The following FBXO15 variants were observed in gnomAD, a reference collection of about 807,000 sequenced individuals.
The protein encoded by FBXO15 is F-box only protein 15.
In FBXO15, 30 loss-of-function variants were observed where a neutral mutation model predicts 49.5. The ratio of observed to expected loss-of-function variants is 0.61; its 90% confidence interval spans 0.45 to 0.82. The LOEUF (loss-of-function observed/expected upper bound fraction) is 0.82, where lower values mean the gene tolerates loss of function less well. FBXO15 is among the 40% of genes least tolerant of loss of function. The pLI, the probability that FBXO15 is intolerant of heterozygous loss-of-function variation, is 0.00. For missense variants in FBXO15, 591 were observed against 631.5 expected (o/e 0.94, Z 0.69); for synonymous variants, 250 against 232.7 (o/e 1.07, Z -0.68).
intron 3 of FBXO15, among the ~76,000 whole-genome samples, chr18:74,132,894 G>A (rs765543205): frequency 1.3e-5 from 2 of 152,186 alleles, no homozygotes; most frequent in Admixed American, 6.5e-5. Flanking sequence ...CGCAGAGACA[G>A]GGCTCACACA....
intron 9 of FBXO15, among the ~76,000 whole-genome samples, chr18:74,077,206 T>A (rs1402755846): frequency 6.6e-6 from 1 of 152,068 alleles, no homozygotes; most frequent in Admixed American, 6.5e-5. Flanking sequence ...GCTCAACCAC[T>A]ATGTGCTGAA....
intron 9 of FBXO15, among the ~76,000 whole-genome samples, chr18:74,080,882 T>C (rs1344862815): frequency 6.6e-6 from 1 of 152,206 alleles, no homozygotes; most frequent in Non-Finnish European, 1.5e-5. Context: ...TGCTGACCCT[T>C]TAAAAGACAG....
intron 5 of FBXO15, among the ~76,000 whole-genome samples, chr18:74,128,510 A>G (rs1599177942): frequency 6.6e-6 from 1 of 152,218 alleles, no homozygotes; most frequent in East Asian, 1.9e-4. Flanking sequence ...GACATGGTAA[A>G]TACTCCTGAA....
intron 8 of FBXO15, among the ~76,000 whole-genome samples, chr18:74,101,329 C>A (rs1053538695): frequency 3.9e-5 from 6 of 152,098 alleles, no homozygotes; most frequent in Non-Finnish European, 2.9e-5. Context: ...TCAGTAGATG[C>A]TGTAAAAGCA....
At chr18:74,133,862 A>G (rs1367721407) in intron 3 of FBXO15, among the ~76,000 whole-genome samples, 1 of 152,174 alleles carries the variant, frequency 6.6e-6, no homozygotes, top group Admixed American at 6.5e-5. Context: ...AGCAAGAACT[A>G]CAAGGAAGGC....
At chr18:74,089,562 A>G (rs1437473370) in intron 8 of FBXO15, among the ~76,000 whole-genome samples, 1 of 152,180 alleles carries the variant, frequency 6.6e-6, no homozygotes, top group Non-Finnish European at 1.5e-5. Context: ...GTTTTGAAAT[A>G]GATGGCTGTT....
At chr18:74,116,410 GT>G (rs1914230833) in intron 8 of FBXO15, among the ~76,000 whole-genome samples, 1 of 152,142 alleles carries the variant, frequency 6.6e-6, no homozygotes, top group East Asian at 1.9e-4. Flanking sequence ...TTCTATTGGG[GT>G]TTTTAATAGG....
intron 8 of FBXO15, among the ~76,000 whole-genome samples, chr18:74,116,057 G>A (rs1914218476): frequency 6.6e-6 from 1 of 152,098 alleles, no homozygotes; most frequent in Admixed American, 6.5e-5. Flanking sequence ...ATTTCTCTGT[G>A]TGTCATTTCA....
chr18:74,090,295 A>G (rs1296476806), intron 8 of FBXO15, among the ~76,000 whole-genome samples: 3 of 151,652 alleles, frequency 2.0e-5, no homozygotes, highest in Admixed American at 6.6e-5. Context: ...ATTTATTTGT[A>G]TCTTCTCTAT....
chr18:74,103,847 C>T (rs1207016712), intron 8 of FBXO15, among the ~76,000 whole-genome samples: 1 of 152,148 alleles, frequency 6.6e-6, no homozygotes, highest in Non-Finnish European at 1.5e-5. Flanking sequence ...TTCACCAACA[C>T]CAGACCTATC....
At chr18:74,132,443 G>A (rs1315939626) in intron 3 of FBXO15, among the ~76,000 whole-genome samples, 2 of 152,070 alleles carry the variant, frequency 1.3e-5, no homozygotes, top group Non-Finnish European at 2.9e-5. Context: ...CGCAGAGATG[G>A]GAATCACAGC....
chr18:74,089,126 T>C (rs2145121455), intron 8 of FBXO15, among the ~76,000 whole-genome samples: 1 of 152,274 alleles, frequency 6.6e-6, no homozygotes, highest in East Asian at 1.9e-4. Flanking sequence ...TGATGCTCTC[T>C]CTTTCCACAC....
At chr18:74,142,275 C>CTG (rs75597796) in intron 1 of FBXO15, among the ~76,000 whole-genome samples, 13,341 of 152,178 alleles carry the variant, frequency 0.088, 1,071 homozygotes, top group African/African-American at 0.21. Flanking sequence ...ATAATTCTAC[C>CTG]TGTTATATAT....
chr18:74,086,611 C>T (rs189826729), intron 8 of FBXO15, among the ~76,000 whole-genome samples: 2 of 152,278 alleles, frequency 1.3e-5, no homozygotes, highest in Admixed American at 6.5e-5. Flanking sequence ...GGGGTTTCAC[C>T]GTGTTAGCCA....
chr18:74,102,569 A>G (rs1913570194), intron 8 of FBXO15, among the ~76,000 whole-genome samples: 1 of 152,216 alleles, frequency 6.6e-6, no homozygotes, highest in Non-Finnish European at 1.5e-5. Flanking sequence ...AACTAAAAGT[A>G]GAACTACCAT....
Position 74,074,724 on chromosome 18 carries a change from C to A in FBXO15, c.1264-994G>T, listed in dbSNP as rs1319389577. Among the ~76,000 whole-genome samples the A allele has an allele frequency of 2.0e-5, 3 of 152,212 alleles. No individual in the cohort carries two copies. The highest frequency in any genetic ancestry group is 1.5e-5 in the Non-Finnish European group (1 of 68,042). On this transcript the variant is annotated intron_variant, in intron 9 of 9. Transcript: ENST00000419743. This position sits in a 1 kb window ranked among gnomAD's most constrained non-coding sequence, Gnocchi z 4.7. ...AATGAAAAAGAACATAGTCGGCATG[C>A]ATTACATACACTAAGCATAAACGTC...
chr18:74,128,149 C>A (rs190083579), intron 5 of FBXO15, among the ~76,000 whole-genome samples: 2 of 152,144 alleles, frequency 1.3e-5, no homozygotes, highest in African/African-American at 4.8e-5. Flanking sequence ...AAAAATAATT[C>A]ATTTTTCATC....
chr18:74,091,699 T>C (rs1199099207), intron 8 of FBXO15, among the ~76,000 whole-genome samples: 1 of 152,246 alleles, frequency 6.6e-6, no homozygotes, highest in African/African-American at 2.4e-5. Flanking sequence ...TCTTCAAGAA[T>C]GCTGACTAAA....
intron 1 of FBXO15, among the ~76,000 whole-genome samples, chr18:74,144,451 G>C (rs971446314): frequency 5.3e-5 from 8 of 152,050 alleles, no homozygotes; most frequent in African/African-American, 1.7e-4. Flanking sequence ...GCAAAAGAAG[G>C]CCAGGGAATC....
Sources: gnomAD v4.1 joint callset for allele counts (sites outside exome capture counted in the v4.1 genomes callset) on GRCh38, gnomAD v4.1.1 for gene constraint, Gnocchi (gnomAD v3.1) non-coding constraint, MANE v1.5 for transcripts, NCBI Gene and HGNC (gene_info 2026-07-23, HGNC 2026-07-21) for gene names.